LIMCH1: variants seen among roughly 807,000 people sequenced by gnomAD.
The protein encoded by LIMCH1 is LIM and calponin homology domains 1.
In LIMCH1, 113 loss-of-function variants were observed where a neutral mutation model predicts 176.5. The ratio of observed to expected loss-of-function variants is 0.64; its 90% CI spans 0.55 to 0.75. LIMCH1 has a LOEUF of 0.75. Ranked by LOEUF, LIMCH1 falls within the 30% of genes least tolerant of loss-of-function variation. The probability of loss-of-function intolerance (pLI) is 0.00; values close to 1 mark genes in which losing one functional copy is unlikely to be tolerated. For missense variants in LIMCH1, 1,674 were observed against 1,814.9 expected, an observed-to-expected ratio of 0.92 and a Z score of 1.41; for synonymous variants, 619 against 645.9, an observed-to-expected ratio of 0.96 and a Z score of 0.63.
chr4:41,523,747 C>A lies in LIMCH1; in HGVS notation c.168-662C>A, dbSNP rs377762461. Among the ~76,000 whole-genome samples the A allele has an allele frequency of 4.6e-5, 7 of 152,260 alleles. No homozygotes were observed. In the South Asian group the frequency reaches 1.5e-3, roughly 32 times the overall value. ...CAATGATAGTTGTTTCTCTTGCATT[C>A]CCTTGCTTGTGTAACCATTGTTATA... On this transcript the variant is annotated intron_variant, in intron 2 of 26. Transcript: ENST00000313860.
At chr4:41,573,206 G>C (rs1331116170) in intron 1 of LIMCH1, among the ~76,000 whole-genome samples, 1 of 152,162 alleles carries the variant, frequency 6.6e-6, no homozygotes, top group African/African-American at 2.4e-5. Flanking sequence ...TAATTGGCTT[G>C]GCTGTCACTG....
chr4:41,370,207 T>G (rs533993394), intron 1 of LIMCH1, among the ~76,000 whole-genome samples: 1 of 152,280 alleles, frequency 6.6e-6, no homozygotes, highest in Middle Eastern at 3.4e-3. Context: ...ACCTTCTCTT[T>G]CTTTCCCTAA....
At chr4:41,649,393 C>T (rs1395753363) in intron 17 of LIMCH1, among the ~76,000 whole-genome samples, 1 of 151,970 alleles carries the variant, frequency 6.6e-6, no homozygotes, top group Non-Finnish European at 1.5e-5. Flanking sequence ...GAGTGAGACC[C>T]CGTCTCAAAA....
intron 1 of LIMCH1, among the ~76,000 whole-genome samples, chr4:41,390,635 C>G (rs1362796404): frequency 1.3e-5 from 2 of 152,152 alleles, no homozygotes; most frequent in African/African-American, 4.8e-5. Context: ...AACGTTGTAT[C>G]CTCTATTTCA....
chr4:41,650,936 C>G (rs1355199181), intron 18 of LIMCH1, among the ~76,000 whole-genome samples: 2 of 152,094 alleles, frequency 1.3e-5, no homozygotes, highest in African/African-American at 2.4e-5. Context: ...TGTCATCCCC[C>G]TCTCTGCCTT....
chr4:41,527,617 C>T (rs935371611), intron 3 of LIMCH1, among the ~76,000 whole-genome samples: 9 of 152,092 alleles, frequency 5.9e-5, no homozygotes, highest in African/African-American at 7.2e-5. Flanking sequence ...GGGCGGATCA[C>T]GATGTCAGGA....
At chr4:41,581,805 C>CAAAAAAAAAAAAAAAAAAAAAAAAAAAAA (rs56150312) in intron 1 of LIMCH1, among the ~76,000 whole-genome samples, 7 of 76,186 alleles carry the variant, frequency 9.2e-5, no homozygotes, top group Non-Finnish European at 1.3e-4. Context: ...GACTCTGTCT[C>CAAAAAAAAAAAAAAAAAAAAAAAAAAAAA]AAAAAAAAAA....
intron 4 of LIMCH1, chr4:41,609,643 G>A (rs993950416): frequency 6.6e-6 from 3 of 455,748 alleles, no homozygotes; most frequent in South Asian, 1.5e-5. Context: ...TGAGAAAGGG[G>A]GATAGGAGGA....
chr4:41,398,117 A>G (rs1407421442), intron 1 of LIMCH1, among the ~76,000 whole-genome samples: 3 of 151,684 alleles, frequency 2.0e-5, no homozygotes, highest in Non-Finnish European at 2.9e-5. Context: ...TTAAAAAAAA[A>G]GAAATGTTGA....
Position 41,681,034 on chromosome 4 carries a change from C to T in LIMCH1, c.3692C>T (p.Ser1231Phe). ...GCTGACCAGCTGTCTACCTCTTCCT[C>T]CATGACTGAAGGCAGTGGGACAATG... ...SSADQLSTSS[S>F]MTEGSGTMNK... The change falls in exon 25 of 32, where the codon TCC becomes TTC. Residue 1231 changes from serine to phenylalanine, a missense_variant. Coordinates refer to ENST00000503057, the MANE Select transcript of LIMCH1 (RefSeq NM_001330672.2). 1 of 1,610,368 alleles carries T rather than the reference C, an allele frequency of 6.2e-7. No homozygotes were observed. Among genetic ancestry groups the T allele is most frequent in the Non-Finnish European group, 8.5e-7 (1 of 1,176,810 alleles).
At chr4:41,639,779 T>C (rs1024868604) in intron 14 of LIMCH1, among the ~76,000 whole-genome samples, 3 of 152,228 alleles carry the variant, frequency 2.0e-5, no homozygotes, top group African/African-American at 7.2e-5. Context: ...AGAAACATGA[T>C]TAATATCTAA....
intron 13 of LIMCH1, 102 bp from the exon 14 acceptor site, chr4:41,638,830 G>T: frequency 1.1e-6 from 1 of 910,412 alleles, no homozygotes; most frequent in Non-Finnish European, 1.8e-6. Flanking sequence ...AGCAAAAAAG[G>T]TTTGGCGCAC....
intron 1 of LIMCH1, among the ~76,000 whole-genome samples, chr4:41,433,079 T>G (rs546743378): frequency 4.8e-4 from 73 of 152,362 alleles, no homozygotes; most frequent in African/African-American, 1.7e-3. Flanking sequence ...TCACATTCTC[T>G]TAACATGAGG....
intron 25 of LIMCH1, among the ~76,000 whole-genome samples, chr4:41,681,275 A>G (rs541371851): frequency 2.0e-5 from 3 of 152,220 alleles, no homozygotes; most frequent in Non-Finnish European, 2.9e-5. Flanking sequence ...TGGTAAAGTC[A>G]TTACCCCAGC....
intron 28 of LIMCH1, among the ~76,000 whole-genome samples, chr4:41,686,595 A>T (rs960918441): frequency 2.0e-5 from 3 of 152,228 alleles, no homozygotes; most frequent in African/African-American, 7.2e-5. Flanking sequence ...GACTACCTCC[A>T]TTCAGATTTT....
chr4:41,693,265 A>G (rs1727761047), intron 31 of LIMCH1: 1 of 152,262 alleles, frequency 6.6e-6, no homozygotes, highest in Admixed American at 6.5e-5. Flanking sequence ...ACTATTTCTC[A>G]AAGTGAAGTC....
At chr4:41,590,395 T>C (rs2087298511) in intron 1 of LIMCH1, among the ~76,000 whole-genome samples, 1 of 152,112 alleles carries the variant, frequency 6.6e-6, no homozygotes, top group African/African-American at 2.4e-5. Flanking sequence ...TGGGATCTTA[T>C]AGTAGCCTCT....
At chr4:41,572,820 G>A (rs1209957283) in intron 1 of LIMCH1, among the ~76,000 whole-genome samples, 2 of 152,180 alleles carry the variant, frequency 1.3e-5, no homozygotes, top group Non-Finnish European at 2.9e-5. Flanking sequence ...AAGGCAACGG[G>A]AATGAGGAAA....
intron 1 of LIMCH1, among the ~76,000 whole-genome samples, chr4:41,468,436 T>C (rs1234938251): frequency 6.9e-6 from 1 of 144,374 alleles, no homozygotes; most frequent in Non-Finnish European, 1.5e-5. Context: ...TTTCCTTCCT[T>C]CTATCTTCCT....
Sources: gnomAD v4.1 joint callset for allele counts (sites outside exome capture counted in the v4.1 genomes callset) on GRCh38, gnomAD v4.1.1 for gene constraint, MANE v1.5 for transcripts, NCBI Gene and HGNC (gene_info 2026-07-23, HGNC 2026-07-21) for gene names.